DMRT1: variants seen among roughly 807,000 people sequenced by gnomAD.
DMRT1 encodes doublesex and mab-3 related transcription factor 1.
In DMRT1, 7 loss-of-function variants were observed where a neutral mutation model predicts 32.3. That is an observed-to-expected ratio of 0.22 (90% CI 0.12 to 0.41). The LOEUF (loss-of-function observed/expected upper bound fraction) is 0.41. DMRT1 is among the 10% of genes least tolerant of loss of function. DMRT1 has a pLI of 1.00. For synonymous variants in DMRT1, 278 were observed against 206.1 expected (o/e 1.35, Z -2.99); for missense variants, 625 against 500.5 (o/e 1.25, Z -2.37).
chr9:843,073 C>T (rs1372779582), intron 1 of DMRT1: 1 of 152,222 alleles, frequency 6.6e-6, no homozygotes, highest in Non-Finnish European at 1.5e-5. Flanking sequence ...TCCGACCGCG[C>T]CTTGGGAGCA....
chr9:946,904 G>A (rs1457528417), intron 4 of DMRT1, among the ~76,000 whole-genome samples: 1 of 152,218 alleles, frequency 6.6e-6, no homozygotes, highest in East Asian at 1.9e-4. Context: ...AGCAGTGCCT[G>A]ACAATGCAAG....
chr9:895,217 T>G (rs1195900095), intron 3 of DMRT1, among the ~76,000 whole-genome samples: 3 of 152,228 alleles, frequency 2.0e-5, no homozygotes, highest in Admixed American at 2.0e-4. Flanking sequence ...TATCTAGGGC[T>G]GTTCTGCTTC....
intron 4 of DMRT1, among the ~76,000 whole-genome samples, chr9:962,438 G>A (rs1022727291): frequency 2.6e-5 from 4 of 151,622 alleles, no homozygotes; most frequent in East Asian, 3.9e-4. Context: ...TGGACATGTT[G>A]ATTATTCATG....
chr9:933,458 A>G (rs1024348410), intron 4 of DMRT1, among the ~76,000 whole-genome samples: 2 of 152,326 alleles, frequency 1.3e-5, no homozygotes, highest in African/African-American at 4.8e-5. Context: ...TATTTTATCC[A>G]TAAGCCGATG....
rs147218513 is a variant in DMRT1 at position 872,788 on chromosome 9, T to G, written c.539-21124T>G. 5.8e-3 allele frequency among the ~76,000 whole-genome samples: 886 copies of G among 152,378 alleles called. 6 individuals are homozygous for G. The highest frequency in any genetic ancestry group is 0.02 in the African/African-American group (836 of 41,588). ...ATATGTATTCTCTTGTGTATTTACT[T>G]CAAAGCGGACTTGGTGGTTCATGTG... On this transcript the variant is annotated intron_variant, in intron 2 of 4. Coordinates refer to ENST00000382276, the MANE Select transcript of DMRT1 (RefSeq NM_021951.3).
Position 894,104 on chromosome 9 carries a change from T to A in DMRT1, c.731T>A (p.Val244Glu), listed in dbSNP as rs1249549790. ...GCTGCTGATTCTGCTTCTGGGGAGG[T>A]GGGAAATCCCCTCGGGGGATCCCCT... ...ALAADSASGE[V>E]GNPLGGSPVK... The change falls in exon 3 of 5, where the codon GTG becomes GAG. Residue 244 changes from valine to glutamate, a missense_variant. Val to Glu is a moderately radical substitution (Grantham distance 121). This residue lies in a region of DMRT1 where 416 missense variants were observed against 321.6 expected (regional missense o/e 1.29). Transcript: ENST00000382276. 6.2e-7 allele frequency: 1 copy of A among 1,614,054 alleles called. No homozygotes were observed. The highest frequency in any genetic ancestry group is 8.5e-7 in the Non-Finnish European group (1 of 1,180,028).
intron 4 of DMRT1, among the ~76,000 whole-genome samples, chr9:921,114 A>G (rs1054106923): frequency 6.6e-6 from 1 of 152,148 alleles, no homozygotes; most frequent in Non-Finnish European, 1.5e-5. Flanking sequence ...CGTCACCTCT[A>G]TCTGATTGCA....
chr9:905,474 C>CTG (rs1491231405), intron 3 of DMRT1, among the ~76,000 whole-genome samples: 6 of 53,356 alleles, frequency 1.1e-4, no homozygotes, highest in Non-Finnish European at 3.1e-4. Flanking sequence ...TCCCTTGCCC[C>CTG]TGTGTGTGTG....
At position 841,853 on chromosome 9, in the gene DMRT1, G is replaced by A. The variant is rs762413208; in HGVS notation, c.15G>A (p.Glu5=). Residue 5 remains glutamate, a synonymous_variant, in exon 1 of 5, where the codon GAG becomes GAA. Coordinates refer to ENST00000382276, the MANE Select transcript of DMRT1 (RefSeq NM_021951.3). ...CTAGGGGCACCATGCCCAACGACGAGGCATTCAGCAAGCCCTCTACACCGT... is the reference window on the plus strand; with the variant it reads ...CTAGGGGCACCATGCCCAACGACGAAGCATTCAGCAAGCCCTCTACACCGT... MPND[E]AFSKPSTPSE... The A allele has an allele frequency of 1.9e-5, 30 of 1,612,516 alleles. 1 individual carries two copies. In the South Asian group the frequency reaches 3.3e-4, roughly 18 times the overall value.
At chr9:958,172 G>A (rs1206201482) in intron 4 of DMRT1, among the ~76,000 whole-genome samples, 1 of 152,148 alleles carries the variant, frequency 6.6e-6, no homozygotes, top group African/African-American at 2.4e-5. Flanking sequence ...AGTATTAATA[G>A]TTGCTTTTTG....
chr9:928,396 C>T (rs944163790), intron 4 of DMRT1, among the ~76,000 whole-genome samples: 1 of 152,170 alleles, frequency 6.6e-6, no homozygotes. Context: ...TGTATACTTG[C>T]ATAAAATCTG....
intron 4 of DMRT1, among the ~76,000 whole-genome samples, chr9:929,579 C>G (rs929926473): frequency 6.6e-6 from 1 of 151,856 alleles, no homozygotes; most frequent in Non-Finnish European, 1.5e-5. Context: ...CCAGAAAGGT[C>G]AAAAGAATAT....
intron 3 of DMRT1, among the ~76,000 whole-genome samples, chr9:911,972 C>T (rs1467192605): frequency 2.0e-5 from 3 of 152,094 alleles, no homozygotes; most frequent in Non-Finnish European, 2.9e-5. Flanking sequence ...TCTGTTCTCA[C>T]ACTGCTGTAA....
At chr9:956,285 A>G (rs1254615981) in intron 4 of DMRT1, among the ~76,000 whole-genome samples, 6 of 152,228 alleles carry the variant, frequency 3.9e-5, no homozygotes, top group Non-Finnish European at 7.3e-5. Flanking sequence ...GAGGATGGAC[A>G]GTTGTTGTTT....
Position 936,173 on chromosome 9 carries a change from T to C in DMRT1, c.967+19266T>C, listed in dbSNP as rs77900473. ...TTTGGATTGCTTGTCTCCACTTCTTTATGAAGGATGTGTGTTGCTTGATAC... is the reference window on the plus strand; with the variant it reads ...TTTGGATTGCTTGTCTCCACTTCTTCATGAAGGATGTGTGTTGCTTGATAC... On this transcript the variant is annotated intron_variant, in intron 4 of 4. Transcript: ENST00000382276. Among the ~76,000 whole-genome samples, 1,126 of 152,338 alleles carry C rather than the reference T, an allele frequency of 7.4e-3. 14 individuals are homozygous for C. Among genetic ancestry groups the C allele is most frequent in the African/African-American group, 0.026 (1,072 of 41,574 alleles).
At chr9:857,871 G>A (rs1344807010) in intron 2 of DMRT1, among the ~76,000 whole-genome samples, 2 of 146,202 alleles carry the variant, frequency 1.4e-5, no homozygotes, top group Non-Finnish European at 3.0e-5. Flanking sequence ...GTGAGAACAT[G>A]TGGTGGTTGG....
chr9:883,925 C>G (rs193174835), intron 2 of DMRT1, among the ~76,000 whole-genome samples: 2 of 152,222 alleles, frequency 1.3e-5, no homozygotes, highest in African/African-American at 4.8e-5. Context: ...GTATGTAACT[C>G]TTAAAACTCA....
intron 3 of DMRT1, among the ~76,000 whole-genome samples, chr9:902,200 G>GTA (rs562457116): frequency 0.012 from 1,731 of 148,596 alleles, 38 homozygotes; most frequent in African/African-American, 0.04. Flanking sequence ...GTGAGCCACC[G>GTA]CGCCAGCCAC....
chr9:930,945 A>G (rs910277646), intron 4 of DMRT1, among the ~76,000 whole-genome samples: 5 of 152,220 alleles, frequency 3.3e-5, no homozygotes, highest in African/African-American at 7.2e-5. Flanking sequence ...TAACAAAGCT[A>G]TGGAACCATC....
Sources: allele counts gnomAD v4.1 joint callset (sites outside exome capture counted in the v4.1 genomes callset), GRCh38; gene constraint gnomAD v4.1.1; regional missense constraint gnomAD v4.1.1; transcripts MANE v1.5; gene names NCBI Gene and HGNC (gene_info 2026-07-23, HGNC 2026-07-21).